The following ARHGEF9 variants were observed in gnomAD, a reference collection of about 807,000 sequenced individuals.
ARHGEF9 encodes rho guanine nucleotide exchange factor 9.
In ARHGEF9, 2 loss-of-function variants were observed where a neutral mutation model predicts 41.3. The ratio of observed to expected loss-of-function variants is 0.05; its 90% CI spans 0.02 to 0.15. The LOEUF is 0.15. ARHGEF9 is among the 10% of genes least tolerant of loss of function. ARHGEF9 has a pLI of 1.00. For missense variants in ARHGEF9, 225 were observed against 424.7 expected (o/e 0.53, Z 4.13); for synonymous variants, 160 against 154.4 (o/e 1.04, Z -0.27).
intron 8 of ARHGEF9, among the ~76,000 whole-genome samples, chrX:63,649,121 T>C (rs2048351854): frequency 1.8e-5 from 2 of 111,328 alleles, no homozygotes; most frequent in African/African-American, 6.5e-5. Flanking sequence ...TCTACAGAAC[T>C]CTCCACCCCA....
At chrX:63,754,924 T>G in intron 1 of ARHGEF9, 2 of 939,769 alleles carry the variant, frequency 2.1e-6, no homozygotes, top group Non-Finnish European at 2.6e-6. Flanking sequence ...GGGGAACCTG[T>G]GAGTGGTTCT....
At chrX:63,780,196 A>G (rs782120014) in intron 1 of ARHGEF9, among the ~76,000 whole-genome samples, 7 of 111,908 alleles carry the variant, frequency 6.3e-5, no homozygotes, top group South Asian at 3.8e-4. Context: ...TGAAGCTGCC[A>G]TACTGGCCCA....
chrX:63,755,080 T>C, intron 1 of ARHGEF9: 1 of 939,228 alleles, frequency 1.1e-6, no homozygotes, highest in South Asian at 5.9e-5. Context: ...CAGACACTCG[T>C]TCGATCCCTG....
At chrX:63,753,538 G>A (rs1556443324) in intron 1 of ARHGEF9, among the ~76,000 whole-genome samples, 3 of 104,423 alleles carry the variant, frequency 2.9e-5, no homozygotes, top group African/African-American at 1.1e-4. Flanking sequence ...TTTCTTTCTT[G>A]TGGGGTTTTT....
At chrX:63,664,676 A>T (rs2049412317) in intron 7 of ARHGEF9, among the ~76,000 whole-genome samples, 1 of 112,277 alleles carries the variant, frequency 8.9e-6, no homozygotes, top group South Asian at 3.7e-4. Context: ...TCTCTGTTTG[A>T]GGGTTAGCTC....
At chrX:63,645,073 T>C (rs1439295440) in intron 8 of ARHGEF9, among the ~76,000 whole-genome samples, 3 of 110,591 alleles carry the variant, frequency 2.7e-5, no homozygotes, top group East Asian at 2.8e-4. Flanking sequence ...CTGTACCCAG[T>C]GTAATAGTCT....
intron 9 of ARHGEF9, chrX:63,640,450 G>C (rs1304380187): frequency 9.0e-6 from 1 of 111,531 alleles, no homozygotes; most frequent in Non-Finnish European, 1.9e-5. Context: ...CTATTCTAGG[G>C]CACTCATTTG....
chrX:63,782,790 A>T (rs1388689431), intron 1 of ARHGEF9, among the ~76,000 whole-genome samples: 1 of 112,233 alleles, frequency 8.9e-6, no homozygotes, highest in Non-Finnish European at 1.9e-5. Flanking sequence ...TATCCAACAC[A>T]TACTTCTAGG....
intron 1 of ARHGEF9, among the ~76,000 whole-genome samples, chrX:63,737,645 C>T (rs1222574364): frequency 8.9e-6 from 1 of 112,265 alleles, no homozygotes; most frequent in Non-Finnish European, 1.9e-5. Flanking sequence ...TGGGTTCAAG[C>T]CACCCAAAGT....
At chrX:63,743,930 A>T (rs1315432653) in intron 1 of ARHGEF9, among the ~76,000 whole-genome samples, 1 of 111,850 alleles carries the variant, frequency 8.9e-6, no homozygotes, top group Non-Finnish European at 1.9e-5. Flanking sequence ...CAACAACAAA[A>T]ATCAGAAAAC....
chrX:63,693,326 A>G (rs1444961652), intron 4 of ARHGEF9, among the ~76,000 whole-genome samples: 1 of 111,790 alleles, frequency 8.9e-6, no homozygotes, highest in Non-Finnish European at 1.9e-5. Context: ...ATCATTACAC[A>G]TTGTATTCAT....
chrX:63,643,289 T>C (rs1158966886), intron 9 of ARHGEF9, among the ~76,000 whole-genome samples: 1 of 111,985 alleles, frequency 8.9e-6, no homozygotes, highest in African/African-American at 3.2e-5. Context: ...AGATTCTTTA[T>C]TGTGATTTGG....
intron 6 of ARHGEF9, among the ~76,000 whole-genome samples, chrX:63,672,334 A>G (rs1340801113): frequency 2.7e-5 from 3 of 109,610 alleles, no homozygotes; most frequent in Non-Finnish European, 5.7e-5. Flanking sequence ...TGAATGAAGT[A>G]GGATGTCAAT....
chrX:63,657,136 G>A (rs1460332424), intron 7 of ARHGEF9: 7 of 111,946 alleles, frequency 6.3e-5, no homozygotes, highest in African/African-American at 2.3e-4. Context: ...AGATATCTTC[G>A]GGCCAGCTCT....
In ARHGEF9 at chrX:63,667,048, G is replaced by A. The variant is rs191111895; in HGVS notation, c.946-1031C>T. 1.1e-4 allele frequency among the ~76,000 whole-genome samples: 12 copies of A among 111,921 alleles called. No individual in the cohort carries two copies. In the East Asian group the frequency reaches 1.1e-3, roughly 11 times the overall value. On this transcript the variant is annotated intron_variant, in intron 6 of 9. Coordinates refer to ENST00000671741, the MANE Select transcript of ARHGEF9 (RefSeq NM_001353921.2). Reference sequence around the variant, plus strand: ...ATGAAACACAAGGCAAACCAACACCGAAGTTGTGGGCACAGGGGTGAGTAT... The same window carrying A: ...ATGAAACACAAGGCAAACCAACACCAAAGTTGTGGGCACAGGGGTGAGTAT...
intron 1 of ARHGEF9, among the ~76,000 whole-genome samples, chrX:63,759,770 T>C (rs2056001417): frequency 8.9e-6 from 1 of 111,995 alleles, no homozygotes; most frequent in African/African-American, 3.2e-5. Context: ...CTCTATGAGG[T>C]AGGTACGGTA....
chrX:63,647,264 T>C (rs1189061135), intron 8 of ARHGEF9, among the ~76,000 whole-genome samples: 1 of 111,844 alleles, frequency 8.9e-6, no homozygotes, highest in Non-Finnish European at 1.9e-5. Flanking sequence ...CTTCCAACAC[T>C]ATGTTGAATA....
intron 1 of ARHGEF9, among the ~76,000 whole-genome samples, chrX:63,751,256 G>A (rs2055613984): frequency 9.0e-6 from 1 of 110,971 alleles, no homozygotes; most frequent in Non-Finnish European, 1.9e-5. Context: ...TTTACAGTGG[G>A]GAGGTGGGAG....
chrX:63,670,136 G>C (rs782372634), intron 6 of ARHGEF9: 1 of 111,282 alleles, frequency 9.0e-6, no homozygotes, highest in East Asian at 2.8e-4. Flanking sequence ...TCTAATTATA[G>C]GCCAATTGAT....
Sources: allele counts gnomAD v4.1 joint callset (sites outside exome capture counted in the v4.1 genomes callset), GRCh38; gene constraint gnomAD v4.1.1; transcripts MANE v1.5; gene names NCBI Gene and HGNC (gene_info 2026-07-23, HGNC 2026-07-21).